Variants in SAMMSON observed in about 807,000 individuals in gnomAD.
The protein encoded by SAMMSON is survival associated mitochondrial melanoma specific oncogenic non-coding RNA.
At chr3:70,053,153 G>C (rs1373954818) in intron 3 of SAMMSON, among the ~76,000 whole-genome samples, 5 of 152,124 alleles carry the variant, frequency 3.3e-5, no homozygotes, top group Admixed American at 3.3e-4. Flanking sequence ...CTGGGAAATA[G>C]GTGGATATGG....
At chr3:70,179,614 G>A (rs1440514618) in intron 4 of SAMMSON, among the ~76,000 whole-genome samples, 1 of 152,182 alleles carries the variant, frequency 6.6e-6, no homozygotes, top group East Asian at 1.9e-4. Flanking sequence ...GCAGAGGTGG[G>A]TCTTAACACT....
chr3:70,294,593 C>T (rs530202643), intron 7 of SAMMSON, among the ~76,000 whole-genome samples: 39 of 152,134 alleles, frequency 2.6e-4, no homozygotes, highest in African/African-American at 3.4e-4. Context: ...GCAAGGTAGC[C>T]GGGTCACTTA....
intron 4 of SAMMSON, among the ~76,000 whole-genome samples, chr3:70,214,621 T>TTTA (rs1553645970): frequency 6.7e-6 from 1 of 150,226 alleles, no homozygotes; most frequent in African/African-American, 2.5e-5. Flanking sequence ...TTTTTTTTTT[T>TTTA]ATCTAACTAT....
intron 5 of SAMMSON, chr3:70,249,550 T>G (rs1248584221): frequency 1.3e-5 from 2 of 152,132 alleles, no homozygotes; most frequent in East Asian, 3.9e-4. Flanking sequence ...TGCCTGCCCC[T>G]TTAGGTCTAA....
At chr3:70,203,685 C>A (rs1192475072) in intron 4 of SAMMSON, among the ~76,000 whole-genome samples, 1 of 151,898 alleles carries the variant, frequency 6.6e-6, no homozygotes, top group Non-Finnish European at 1.5e-5. Flanking sequence ...TTCAGTAGTC[C>A]ATGGTGTAAT....
At chr3:70,350,287 G>A (rs1702784813) in intron 7 of SAMMSON, among the ~76,000 whole-genome samples, 2 of 152,070 alleles carry the variant, frequency 1.3e-5, no homozygotes, top group South Asian at 4.1e-4. Context: ...TCTGGCTAAA[G>A]AATAACCTTT....
At chr3:70,088,710 G>T (rs924290234) in intron 4 of SAMMSON, among the ~76,000 whole-genome samples, 7 of 152,060 alleles carry the variant, frequency 4.6e-5, no homozygotes, top group Admixed American at 6.6e-5. Flanking sequence ...TAATAGTTTT[G>T]TTGGGAATTA....
chr3:70,175,697 C>A (rs1054978220), intron 4 of SAMMSON, among the ~76,000 whole-genome samples: 5 of 152,070 alleles, frequency 3.3e-5, no homozygotes, highest in Non-Finnish European at 5.9e-5. Context: ...AGAAACTCTG[C>A]CAAATGACTA....
intron 1 of SAMMSON, among the ~76,000 whole-genome samples, chr3:70,010,911 C>G (rs1034163874): frequency 3.9e-5 from 6 of 152,064 alleles, no homozygotes; most frequent in Admixed American, 1.3e-4. Flanking sequence ...GACTCACTGA[C>G]TATCGTGAGA....
At chr3:70,145,136 C>CA (rs2067543248) in intron 4 of SAMMSON, among the ~76,000 whole-genome samples, 1 of 152,064 alleles carries the variant, frequency 6.6e-6, no homozygotes, top group Admixed American at 6.6e-5. Context: ...ACAGAAAACC[C>CA]AATGCGATTA....
chr3:70,345,230 T>C (rs1398671236), intron 7 of SAMMSON, among the ~76,000 whole-genome samples: 2 of 152,178 alleles, frequency 1.3e-5, no homozygotes, highest in Non-Finnish European at 2.9e-5. Flanking sequence ...CCAGTTTTCA[T>C]TTTTCCATTC....
chr3:70,103,514 A>G (rs995141380), intron 4 of SAMMSON, among the ~76,000 whole-genome samples: 5 of 152,156 alleles, frequency 3.3e-5, no homozygotes, highest in African/African-American at 7.2e-5. Context: ...GAAAATGTCA[A>G]TGGCTTTTAT....
intron 3 of SAMMSON, among the ~76,000 whole-genome samples, chr3:70,039,595 A>T (rs1394018796): frequency 4.7e-4 from 1 of 2,112 alleles, no homozygotes. Flanking sequence ...ACATCTCTTC[A>T]CACACACACA....
intron 7 of SAMMSON, among the ~76,000 whole-genome samples, chr3:70,301,632 G>A (rs527566325): frequency 6.6e-5 from 10 of 152,004 alleles, no homozygotes; most frequent in Non-Finnish European, 1.2e-4. Context: ...ATCAATCTGC[G>A]TTTGCACATA....
chr3:70,041,799 G>C (rs1285629068), intron 3 of SAMMSON, among the ~76,000 whole-genome samples: 2 of 152,034 alleles, frequency 1.3e-5, no homozygotes, highest in Non-Finnish European at 2.9e-5. Context: ...TTTGATATCT[G>C]TGGGGTCCTG....
intron 3 of SAMMSON, among the ~76,000 whole-genome samples, chr3:70,019,037 G>A (rs545188671): frequency 6.6e-6 from 1 of 152,204 alleles, no homozygotes; most frequent in Non-Finnish European, 1.5e-5. Flanking sequence ...GCGATGTGGT[G>A]CTGAGAAGAA....
In SAMMSON at chr3:70,043,893, G is replaced by T. The variant is rs2067114542; in HGVS notation, n.418-27583G>T. On this transcript the variant is annotated intron_variant and non_coding_transcript_variant, in intron 3 of 9. Transcript: ENST00000642114. ...TTTAAAATTCTAGATTGGTGATGGT[G>T]AATAGCTGTAGTATTATTAAAAAAA... is the stretch of plus-strand genomic sequence containing the variant. Among the ~76,000 whole-genome samples, 3 of 151,974 alleles carry T rather than the reference G, an allele frequency of 2.0e-5. No individual in the cohort carries two copies. The South Asian group carries it at 6.2e-4, about 32-fold the overall frequency.
intron 2 of SAMMSON, among the ~76,000 whole-genome samples, chr3:70,428,230 T>C (rs1266999067): frequency 1.3e-5 from 2 of 152,152 alleles, no homozygotes; most frequent in Non-Finnish European, 2.9e-5. Context: ...AGACTTTTTG[T>C]AGAAATTGAA....
chr3:70,196,236 T>C (rs1454110364), intron 4 of SAMMSON, among the ~76,000 whole-genome samples: 1 of 152,182 alleles, frequency 6.6e-6, no homozygotes, highest in African/African-American at 2.4e-5. Flanking sequence ...GAATAACCTG[T>C]TATGACATAG....
Sources: allele counts gnomAD v4.1 joint callset (sites outside exome capture counted in the v4.1 genomes callset), GRCh38; gene constraint gnomAD v4.1.1; transcripts MANE v1.5; gene names NCBI Gene and HGNC (gene_info 2026-07-23, HGNC 2026-07-21).